TEX55: variants seen among roughly 807,000 people sequenced by gnomAD.
TEX55 encodes testis expressed 55.
A neutral mutation model predicts 44.6 loss-of-function variants in TEX55; 31 were observed. The observed-to-expected ratio is 0.69, with a 90% confidence interval of 0.52 to 0.94. The LOEUF is 0.94. Ranked by LOEUF, TEX55 falls within the 40% of genes least tolerant of loss-of-function variation. TEX55 has a pLI of 0.00. For missense variants in TEX55, 639 were observed against 638.4 expected (o/e 1.00, Z -0.01); for synonymous variants, 230 against 230.9 (o/e 1.00, Z 0.04).
Position 119,147,244 on chromosome 3 carries a change from G to C in TEX55, c.1055G>C (p.Arg352Thr). ...ESDQTDHLAD[R>T]QANHKDQLSY... is the part of the protein sequence containing the mutation. Reference sequence around the variant, plus strand: ...GACCAGACTGACCACTTAGCAGACAGACAAGCTAATCATAAAGACCAGCTG... The same window carrying C: ...GACCAGACTGACCACTTAGCAGACACACAAGCTAATCATAAAGACCAGCTG... The change falls in exon 1 of 3, where the codon AGA (arginine) becomes ACA (threonine). Residue 352 changes from arginine (R) to threonine (T), a missense_variant. Transcript: ENST00000295622. The C allele has an allele frequency of 6.2e-7, 1 of 1,614,172 alleles. No homozygotes were observed. The highest frequency in any genetic ancestry group is 8.5e-7 in the Non-Finnish European group (1 of 1,180,052).
In TEX55 at chr3:119,146,627, T is replaced by C; in HGVS notation, c.438T>C (p.Thr146=). The C allele has an allele frequency of 6.2e-7, 1 of 1,614,096 alleles. No homozygotes were observed. The highest frequency in any genetic ancestry group is 8.5e-7 in the Non-Finnish European group (1 of 1,180,024). The change falls in exon 1 of 3, where the codon ACT becomes ACC. Residue 146 remains threonine (T), a synonymous_variant. Coordinates refer to ENST00000295622, the MANE Select transcript of TEX55 (RefSeq NM_152539.3). ...GLTEERTAEQ[T]ERRLPTQAER... ...CGGAGGAAAGAACTGCTGAACAGAC[T>C]GAACGAAGATTACCTACCCAGGCTG...
rs549882362 is a variant in TEX55 at position 119,147,570 on chromosome 3, G to T, written c.1381G>T (p.Ala461Ser). 6.2e-7 allele frequency: 1 copy of T among 1,613,078 alleles called. No individual in the cohort carries two copies. Among genetic ancestry groups the T allele is most frequent in the African/African-American group, 1.3e-5 (1 of 74,906 alleles). The change falls in exon 1 of 3, where the codon GCC (alanine) becomes TCC (serine). Residue 461 changes from alanine to serine, a missense_variant. Transcript: ENST00000295622. Reference sequence around the variant, plus strand: ...TACCAGCAGTCAAGAAAAAACTCAAGCCATAGTAACCAAATCTGTAAGTTA... The same window carrying T: ...TACCAGCAGTCAAGAAAAAACTCAATCCATAGTAACCAAATCTGTAAGTTA... ...NYTSSQEKTQAIVTKSDEFSE... is the reference protein window; with the variant it reads ...NYTSSQEKTQSIVTKSDEFSE...
In TEX55 at chr3:119,150,963, G is replaced by T. The variant is rs117924607; in HGVS notation, c.1543-261G>T. 4.1e-4 allele frequency among the ~76,000 whole-genome samples: 63 copies of T among 152,236 alleles called. No individual in the cohort carries two copies. In the East Asian group the frequency reaches 0.011, roughly 27 times the overall value. The stretch of plus-strand genomic sequence containing the variant: ...AAAATACCATAGTGAGCCAGAAATA[G>T]TGGTGTGCACCTATAGTCCTAGCTA... On this transcript the variant is annotated intron_variant, in intron 2 of 2. Transcript: ENST00000295622.
Position 119,151,309 on chromosome 3 carries a change from C to A in TEX55, c.*17C>A. 6.2e-7 allele frequency: 1 copy of A among 1,607,858 alleles called. No individual in the cohort carries two copies. The highest frequency in any genetic ancestry group is 8.5e-7 in the Non-Finnish European group (1 of 1,175,034). ...CAGGTATAGAATTGGAGAAAAAGAA[C>A]AACCTTTTTATTCTCTTTATTGTAA... On this transcript the variant is annotated 3_prime_UTR_variant, in exon 3 of 3. Transcript: ENST00000295622.
Position 119,146,305 on chromosome 3 carries a change from C to T in TEX55, c.116C>T (p.Ala39Val). The T allele has an allele frequency of 6.2e-7, 1 of 1,614,114 alleles. No individual in the cohort carries two copies. The highest frequency in any genetic ancestry group is 1.1e-5 in the South Asian group (1 of 91,062). The stretch of plus-strand genomic sequence containing the variant: ...GAAGAAGACGACCAGAAGAACCAGG[C>T]CGAAAGGAAGGCAGATAACCACACT... ...GQEEDDQKNQ[A>V]ERKADNHTAH... Residue 39 changes from alanine to valine, a missense_variant, in exon 1 of 3, where the codon GCC (alanine) becomes GTC (valine). Transcript: ENST00000295622.
rs142413436 is a variant in TEX55 at position 119,146,931 on chromosome 3, G to A, written c.742G>A (p.Val248Ile). The A allele has an allele frequency of 1.2e-5, 19 of 1,613,810 alleles. No homozygotes were observed. The highest frequency in any genetic ancestry group is 4.0e-5 in the African/African-American group (3 of 74,928). The change falls in exon 1 of 3, where the codon GTA becomes ATA. Residue 248 changes from valine (V) to isoleucine (I), a missense_variant. By Grantham distance (29) the Val-to-Ile change is conservative. Transcript: ENST00000295622. The stretch of plus-strand genomic sequence containing the variant: ...TGTACAGATTGACAGTGGATCGTCC[G>A]TACCATCTGACCAAAGACCTTCCGT... ...PSVQIDSGSS[V>I]PSDQRPSVQI... is the part of the protein sequence containing the mutation.
chr3:119,147,457 C>G lies in TEX55; in HGVS notation c.1268C>G (p.Pro423Arg). Reference sequence around the variant, plus strand: ...GCAACCACTATCCCACCCTACAACCCAGTTGATGCCAGATTCACCAGTAAC... The same window carrying G: ...GCAACCACTATCCCACCCTACAACCGAGTTGATGCCAGATTCACCAGTAAC... ...QNATTIPPYN[P>R]VDARFTSNFQ... Residue 423 changes from proline to arginine, a missense_variant, in exon 1 of 3, where the codon CCA (proline) becomes CGA (arginine). Coordinates refer to ENST00000295622, the MANE Select transcript of TEX55 (RefSeq NM_152539.3). 1.9e-6 allele frequency: 3 copies of G among 1,614,088 alleles called. No individual in the cohort carries two copies. The South Asian group carries it at 3.3e-5, about 18-fold the overall frequency.
At chr3:119,149,943 G>T (rs1455532984) in intron 2 of TEX55, among the ~76,000 whole-genome samples, 1 of 152,128 alleles carries the variant, frequency 6.6e-6, no homozygotes, top group Non-Finnish European at 1.5e-5. Context: ...TGTAAAATAA[G>T]AATGGCTTAC....
rs865989277 is a variant in TEX55 at position 119,146,862 on chromosome 3, C to A, written c.673C>A (p.Gln225Lys). 1.2e-6 allele frequency: 2 copies of A among 1,613,932 alleles called. No individual in the cohort carries two copies. The highest frequency in any genetic ancestry group is 2.7e-5 in the African/African-American group (2 of 74,868). The stretch of plus-strand genomic sequence containing the variant: ...ACTATCTGAGAGAAGACCTTCTGTG[C>A]AGATTGACAGTGGGTCATCCGTCCC... ...SKLSERRPSVQIDSGSSVPSD... is the reference protein window; with the variant it reads ...SKLSERRPSVKIDSGSSVPSD... Residue 225 changes from glutamine (Q) to lysine (K), a missense_variant, in exon 1 of 3, where the codon CAG (glutamine) becomes AAG (lysine). Transcript: ENST00000295622.
At chr3:119,147,991 T>A (rs919275061) in intron 1 of TEX55, among the ~76,000 whole-genome samples, 189 bp from the exon 2 acceptor site, 1 of 152,116 alleles carries the variant, frequency 6.6e-6, no homozygotes, top group Non-Finnish European at 1.5e-5. Context: ...CTAAGGTACC[T>A]CCCAGGACAT....
At position 119,146,990 on chromosome 3, in the gene TEX55, GAGA is replaced by G. The variant is rs780595941; in HGVS notation, c.807_809del (p.Arg269del). 2.2e-5 allele frequency: 36 copies of G among 1,614,070 alleles called. 1 individual carries two copies. Among genetic ancestry groups the G allele is most frequent in the Middle Eastern group, 3.3e-4 (2 of 6,084 alleles). On this transcript the variant is annotated inframe_deletion, in exon 1 of 3. Coordinates refer to ENST00000295622, the MANE Select transcript of TEX55 (RefSeq NM_152539.3). ...ACCGCAGAATGTCAGGGAAAGTTAG[GAGA>G]AGAAGTTCTGAGAAGACTGACTACA...
chr3:119,146,341 T>G lies in TEX55; in HGVS notation c.152T>G (p.Ile51Arg). The change falls in exon 1 of 3, where the codon ATA (isoleucine) becomes AGA (arginine). Residue 51 changes from isoleucine (I) to arginine (R), a missense_variant. Ile to Arg is a moderately conservative substitution (Grantham distance 97). Coordinates refer to ENST00000295622, the MANE Select transcript of TEX55 (RefSeq NM_152539.3). ...GCAGATAACCACACTGCTCACAGAATAGCTGACCAGACTGCCCTAAGAGTG... is the reference window on the plus strand; with the variant it reads ...GCAGATAACCACACTGCTCACAGAAGAGCTGACCAGACTGCCCTAAGAGTG... ...RKADNHTAHR[I>R]ADQTALRVPS... is the part of the protein sequence containing the mutation. The G allele has an allele frequency of 6.2e-7, 1 of 1,614,126 alleles. No individual in the cohort carries two copies. Among genetic ancestry groups the G allele is most frequent in the Middle Eastern group, 1.6e-4 (1 of 6,062 alleles).
In TEX55 at chr3:119,151,207, T is replaced by C; in HGVS notation, c.1543-17T>C. On this transcript the variant is annotated splice_polypyrimidine_tract_variant and intron_variant, in intron 2 of 2. Coordinates refer to ENST00000295622, the MANE Select transcript of TEX55 (RefSeq NM_152539.3). The stretch of plus-strand genomic sequence containing the variant: ...TGCTCAGAACCATAATGTGATGCCT[T>C]ATGCTCTCTTTCTCAGCAGATTACT... The C allele has an allele frequency of 6.5e-7, 1 of 1,546,040 alleles. No homozygotes were observed. Among genetic ancestry groups the C allele is most frequent in the Non-Finnish European group, 8.9e-7 (1 of 1,118,366 alleles).
intron 1 of TEX55, among the ~76,000 whole-genome samples, chr3:119,147,926 G>A (rs2077745918): frequency 6.6e-6 from 1 of 152,168 alleles, no homozygotes; most frequent in Non-Finnish European, 1.5e-5. Flanking sequence ...AGGGAATTTG[G>A]AGTTGATTAG....
At chr3:119,150,927 C>T (rs756273996) in intron 2 of TEX55, among the ~76,000 whole-genome samples, 7 of 152,012 alleles carry the variant, frequency 4.6e-5, no homozygotes, top group Middle Eastern at 3.2e-3. Flanking sequence ...TAGAAATACA[C>T]GAATTTCTTC....
At chr3:119,147,624 T>G (rs1337413638) in intron 1 of TEX55, 37 bp downstream of exon 1, 1 of 1,556,212 alleles carries the variant, frequency 6.4e-7, no homozygotes, top group South Asian at 1.2e-5. Flanking sequence ...ACCTGGGAGA[T>G]CAGAGATCTA....
In TEX55 at chr3:119,146,561, T is replaced by G. The variant is rs756738308; in HGVS notation, c.372T>G (p.Asn124Lys). Reference protein sequence around the residue: ...TKGKASSQANNVQHEQSDGQV... With the variant: ...TKGKASSQANKVQHEQSDGQV... ...GCAAGGCATCTAGCCAAGCTAATAATGTACAGCATGAACAGAGTGATGGTC... is the reference window on the plus strand; with the variant it reads ...GCAAGGCATCTAGCCAAGCTAATAAGGTACAGCATGAACAGAGTGATGGTC... Residue 124 changes from asparagine to lysine, a missense_variant, in exon 1 of 3, where the codon AAT becomes AAG. Coordinates refer to ENST00000295622, the MANE Select transcript of TEX55 (RefSeq NM_152539.3). The G allele has an allele frequency of 6.2e-7, 1 of 1,613,904 alleles. No individual in the cohort carries two copies. The highest frequency in any genetic ancestry group is 2.2e-5 in the East Asian group (1 of 44,880).
chr3:119,149,601 T>C (rs2077763514), intron 2 of TEX55, among the ~76,000 whole-genome samples: 1 of 152,206 alleles, frequency 6.6e-6, no homozygotes, highest in Non-Finnish European at 1.5e-5. Context: ...GTACTATACA[T>C]AACTTCGTGT....
rs909223153 is a variant in TEX55, at chr3:119,147,388, T to G, written c.1199T>G (p.Val400Gly). 6.2e-7 allele frequency: 1 copy of G among 1,614,186 alleles called. No individual in the cohort carries two copies. Among genetic ancestry groups the G allele is most frequent in the Admixed American group, 1.7e-5 (1 of 60,024 alleles). The stretch of plus-strand genomic sequence containing the variant: ...CCCTGCAAATTTGAGGATAGCCAAG[T>G]AGACCTCAATTCCAAGCCTTCAGTT... ...VQPCKFEDSQ[V>G]DLNSKPSVEM... Residue 400 changes from valine (V) to glycine (G), a missense_variant, in exon 1 of 3, where the codon GTA (valine) becomes GGA (glycine). Coordinates refer to ENST00000295622, the MANE Select transcript of TEX55 (RefSeq NM_152539.3).
Sources: allele counts gnomAD v4.1 joint callset (sites outside exome capture counted in the v4.1 genomes callset), GRCh38; gene constraint gnomAD v4.1.1; transcripts MANE v1.5; gene names NCBI Gene and HGNC (gene_info 2026-07-23, HGNC 2026-07-21).